The following COL26A1 variants were observed in gnomAD, a reference collection of about 807,000 sequenced individuals.
The protein encoded by COL26A1 is collagen alpha-1(XXVI) chain.
A neutral mutation model predicts 59.3 loss-of-function variants in COL26A1; 41 were observed. The observed-to-expected ratio is 0.69, with a 90% CI of 0.54 to 0.90. COL26A1 has a LOEUF of 0.90. Among genes scored for constraint, COL26A1 ranks in the 40% least tolerant of loss-of-function variants. The pLI is 0.00. For synonymous variants in COL26A1, 266 were observed against 256.0 expected (o/e 1.04, Z -0.37); for missense variants, 612 against 602.3 (o/e 1.02, Z -0.17).
intron 4 of COL26A1, among the ~76,000 whole-genome samples, chr7:101,534,969 G>A (rs1795451502): frequency 6.6e-6 from 1 of 152,194 alleles, no homozygotes; most frequent in Admixed American, 6.5e-5. Context: ...TGTCACCCAC[G>A]CCAGCCACGT....
chr7:101,434,923 C>T (rs1196183711), intron 2 of COL26A1, among the ~76,000 whole-genome samples: 1 of 152,184 alleles, frequency 6.6e-6, no homozygotes, highest in Non-Finnish European at 1.5e-5. Flanking sequence ...AGATTCACAG[C>T]ATTGGAGGGA....
At position 101,410,761 on chromosome 7, in the gene COL26A1, G is replaced by A. The variant is rs893191441; in HGVS notation, c.159-9216G>A. 6.6e-5 allele frequency among the ~76,000 whole-genome samples: 10 copies of A among 151,950 alleles called. No homozygotes were observed. In the East Asian group the frequency reaches 1.7e-3, roughly 27 times the overall value. ...AGCCCAGGCTGGAGTGGAATGTCAC[G>A]ATCTCAGTTCATTACAACCTCTGCC... is the stretch of plus-strand genomic sequence containing the variant. On this transcript the variant is annotated intron_variant, in intron 1 of 12. Transcript: ENST00000313669.
chr7:101,527,094 C>T (rs1226644165), intron 3 of COL26A1, among the ~76,000 whole-genome samples: 1 of 151,996 alleles, frequency 6.6e-6, no homozygotes, highest in African/African-American at 2.4e-5. Flanking sequence ...CCTCAGCCTC[C>T]TGAGTAGCTA....
At chr7:101,521,004 T>C (rs1368421274) in intron 3 of COL26A1, among the ~76,000 whole-genome samples, 1 of 152,144 alleles carries the variant, frequency 6.6e-6, no homozygotes, top group Admixed American at 6.6e-5. Context: ...GACTGGGTAA[T>C]TGACGAAGAA....
intron 1 of COL26A1, among the ~76,000 whole-genome samples, chr7:101,374,194 G>C (rs1021628158): frequency 6.6e-6 from 1 of 152,156 alleles, no homozygotes; most frequent in Non-Finnish European, 1.5e-5. Flanking sequence ...CCAGAAACCA[G>C]GGTCTAGAGC....
chr7:101,477,153 T>G (rs932481772), intron 3 of COL26A1, among the ~76,000 whole-genome samples: 1 of 152,144 alleles, frequency 6.6e-6, no homozygotes, highest in African/African-American at 2.4e-5. Context: ...CTCTGGTTAC[T>G]TTTTTGTAAG....
chr7:101,396,750 A>G (rs924965033), intron 1 of COL26A1, among the ~76,000 whole-genome samples: 2 of 152,132 alleles, frequency 1.3e-5, no homozygotes, highest in African/African-American at 4.8e-5. Flanking sequence ...GGTGTGAGCT[A>G]CCACTCCTGG....
At position 101,409,121 on chromosome 7, in the gene COL26A1, C is replaced by T. The variant is rs529475806; in HGVS notation, c.159-10856C>T. Among the ~76,000 whole-genome samples, 8 of 152,296 alleles carry T rather than the reference C, an allele frequency of 5.3e-5. No homozygotes were observed. In the East Asian group the frequency reaches 9.6e-4, roughly 18 times the overall value. On this transcript the variant is annotated intron_variant, in intron 1 of 12. Transcript: ENST00000313669. Reference sequence around the variant, plus strand: ...GGGTGAAGATGATCAGGACACCTTGCTTAGGTAGCAGAATGAGGAGGGGAA... The same window carrying T: ...GGGTGAAGATGATCAGGACACCTTGTTTAGGTAGCAGAATGAGGAGGGGAA...
At chr7:101,399,218 A>G (rs1232360434) in intron 1 of COL26A1, among the ~76,000 whole-genome samples, 1 of 152,014 alleles carries the variant, frequency 6.6e-6, no homozygotes, top group Non-Finnish European at 1.5e-5. Flanking sequence ...AGGCGAGAGG[A>G]TTGCTTGAGC....
At position 101,378,446 on chromosome 7, in the gene COL26A1, G is replaced by A. The variant is rs183712110; in HGVS notation, c.158+15256G>A. ...ATGAAGCAGGAGAATCGCTTGAACC[G>A]GGGAGGCAGAGGTTGCAGTGAGCTG... On this transcript the variant is annotated intron_variant, in intron 1 of 12. Transcript: ENST00000313669. Among the ~76,000 whole-genome samples the A allele has an allele frequency of 1.8e-4, 27 of 152,154 alleles. 1 individual carries two copies. Among genetic ancestry groups the A allele is most frequent in the Admixed American group, 1.4e-3 (22 of 15,286 alleles).
rs1223144770 is a variant in COL26A1, at chr7:101,493,783, A to T, written c.386-39299A>T. Reference sequence around the variant, plus strand: ...AAAAAAAAAAAAAAAAAAAAAAAAAATTAGCCGGGCGTGGTGGCGGGCGTC... The same window carrying T: ...AAAAAAAAAAAAAAAAAAAAAAAAATTTAGCCGGGCGTGGTGGCGGGCGTC... On this transcript the variant is annotated intron_variant, in intron 3 of 12. Transcript: ENST00000313669. Among the ~76,000 whole-genome samples the T allele has an allele frequency of 2.1e-5, 3 of 139,576 alleles. No homozygotes were observed. The Admixed American group carries it at 2.2e-4, about 10-fold the overall frequency. The allele number at this position is 139,576 out of a possible 152,430, so 91.6% of individuals were successfully genotyped here.
intron 3 of COL26A1, among the ~76,000 whole-genome samples, chr7:101,504,228 G>A (rs146105438): frequency 0.012 from 1,809 of 152,252 alleles, 49 homozygotes; most frequent in African/African-American, 0.042. Flanking sequence ...AGCCTCCTGA[G>A]CAGCTGGAAT....
rs189363526 is a variant in COL26A1, at chr7:101,543,089, C to T, written c.605-909C>T. Among the ~76,000 whole-genome samples, 1,188 of 152,328 alleles carry T rather than the reference C, an allele frequency of 7.8e-3. 7 individuals are homozygous for T. Among genetic ancestry groups the T allele is most frequent in the Middle Eastern group, 0.017 (5 of 294 alleles). On this transcript the variant is annotated intron_variant, in intron 5 of 12. Coordinates refer to ENST00000313669, the MANE Select transcript of COL26A1 (RefSeq NM_001278563.3). The stretch of plus-strand genomic sequence containing the variant: ...CCGAGGCCAGCAGCCCCCAGCCAGG[C>T]CCTCCCCACCATACCACAGTCCCAT...
intron 3 of COL26A1, among the ~76,000 whole-genome samples, chr7:101,532,644 C>G (rs1795393061): frequency 6.6e-6 from 1 of 152,192 alleles, no homozygotes; most frequent in Non-Finnish European, 1.5e-5. Flanking sequence ...CATCCCCTTC[C>G]TACCCTGTGT....
chr7:101,551,069 G>T, intron 9 of COL26A1, 39 bp from the exon 10 acceptor site: 3 of 1,551,382 alleles, frequency 1.9e-6, no homozygotes, highest in Non-Finnish European at 1.7e-6. Context: ...ACTTGGCCAG[G>T]ACCGGCAGGC....
Position 101,363,206 on chromosome 7 carries a change from C to T in COL26A1, c.158+16C>T, listed in dbSNP as rs1790942914. 9.4e-6 allele frequency: 8 copies of T among 848,734 alleles called. No individual in the cohort carries two copies. The highest frequency in any genetic ancestry group is 6.4e-5 in the East Asian group (1 of 15,740). The allele number at this position is 848,734 out of a possible 1,614,324, so 52.6% of individuals were successfully genotyped here. The stretch of plus-strand genomic sequence containing the variant: ...CGAGCCGCCGGTGAGTAGCTCGGGG[C>T]CGAGGGGCCGGGGGGTGGGGGGAGG... On this transcript the variant is annotated intron_variant, in intron 1 of 12. Coordinates refer to ENST00000313669, the MANE Select transcript of COL26A1 (RefSeq NM_001278563.3).
At chr7:101,451,877 T>C (rs1055224416) in intron 3 of COL26A1, among the ~76,000 whole-genome samples, 2 of 151,990 alleles carry the variant, frequency 1.3e-5, no homozygotes, top group Admixed American at 6.6e-5. Context: ...GCTATGTTTT[T>C]TGTATTTTTA....
chr7:101,401,569 AGAG>A lies in COL26A1; in HGVS notation c.159-18399_159-18397del, dbSNP rs752878325. Among the ~76,000 whole-genome samples the A allele has an allele frequency of 7.3e-5, 10 of 136,700 alleles. 1 individual carries two copies. Among genetic ancestry groups the A allele is most frequent in the East Asian group, 6.7e-4 (3 of 4,482 alleles). The allele number at this position is 136,700 out of a possible 152,430, so 89.7% of individuals were successfully genotyped here. A position where few individuals can be genotyped will look rare whatever the true frequency, so the allele number is the denominator to read the frequency against. ...AGGAAGAGTAGGAGGAAGAAGAGAA[AGAG>A]GAGGAGGAAAAGGAGGAGGAAGAGG... On this transcript the variant is annotated intron_variant, in intron 1 of 12. Coordinates refer to ENST00000313669, the MANE Select transcript of COL26A1 (RefSeq NM_001278563.3).
intron 12 of COL26A1, among the ~76,000 whole-genome samples, 192 bp from the exon 13 acceptor site, chr7:101,557,178 T>C (rs2130694978): frequency 6.6e-6 from 1 of 152,096 alleles, no homozygotes; most frequent in African/African-American, 2.4e-5. Context: ...GGTGGATGGG[T>C]GAATGAGTGA....
Sources: allele counts gnomAD v4.1 joint callset (sites outside exome capture counted in the v4.1 genomes callset), GRCh38; gene constraint gnomAD v4.1.1; transcripts MANE v1.5; gene names NCBI Gene and HGNC (gene_info 2026-07-23, HGNC 2026-07-21).